Variants in TRPM6 observed in about 807,000 individuals in gnomAD.
The protein encoded by TRPM6 is transient receptor potential cation channel subfamily M member 6, also known as channel kinase 2.
Under a neutral mutation model 247.6 loss-of-function variants are expected in TRPM6, and 111 were observed. The observed-to-expected ratio is 0.45, with a 90% CI of 0.38 to 0.52. TRPM6 has a LOEUF of 0.52. TRPM6 is among the 20% of genes least tolerant of loss of function. TRPM6 has a pLI of 0.00. For synonymous variants in TRPM6, 892 were observed against 853.8 expected (o/e 1.04, Z -0.78); for missense variants, 2,126 against 2,421.5 (o/e 0.88, Z 2.56).
chr9:74,832,897 A>T (rs1400226972), intron 6 of TRPM6, among the ~76,000 whole-genome samples: 1 of 152,078 alleles, frequency 6.6e-6, no homozygotes, highest in Non-Finnish European at 1.5e-5. Context: ...CTAAAAATAC[A>T]AAAATTTGCC....
intron 36 of TRPM6, among the ~76,000 whole-genome samples, chr9:74,733,221 G>C (rs1334866009): frequency 1.3e-5 from 2 of 150,734 alleles, no homozygotes; most frequent in Admixed American, 1.3e-4. Context: ...AAAAAAGCAC[G>C]TAAAAAAAAT....
At chr9:74,760,382 A>T (rs1826582769) in intron 27 of TRPM6, among the ~76,000 whole-genome samples, 1 of 152,210 alleles carries the variant, frequency 6.6e-6, no homozygotes, top group Non-Finnish European at 1.5e-5. Context: ...GTACAGTAAC[A>T]TGCTGTACAA....
intron 3 of TRPM6, among the ~76,000 whole-genome samples, chr9:74,849,984 T>C (rs1265167079): frequency 1.3e-5 from 2 of 152,250 alleles, no homozygotes; most frequent in East Asian, 1.9e-4. Flanking sequence ...AGGATACTTA[T>C]TGTGCATCTG....
chr9:74,738,383 A>G (rs1462814134), intron 36 of TRPM6, 24 bp downstream of exon 36: 2 of 1,612,698 alleles, frequency 1.2e-6, no homozygotes, highest in East Asian at 4.5e-5. Flanking sequence ...TGCTTGTTGT[A>G]TCAAATCCTA....
chr9:74,790,179 A>G (rs1219480464), intron 19 of TRPM6, among the ~76,000 whole-genome samples: 1 of 152,266 alleles, frequency 6.6e-6, no homozygotes, highest in African/African-American at 2.4e-5. Flanking sequence ...CTAACTATGT[A>G]AGAATGGTAT....
At chr9:74,733,688 T>C (rs1312755328) in intron 36 of TRPM6, among the ~76,000 whole-genome samples, 2 of 152,316 alleles carry the variant, frequency 1.3e-5, no homozygotes, top group East Asian at 3.9e-4. Flanking sequence ...GTGTTCCTAC[T>C]AGCTGGACTA....
rs762643842 is a variant in TRPM6, at chr9:74,821,803, C to A, written c.876G>T (p.Val292=). Residue 292 remains valine, a synonymous_variant, in exon 8 of 39, where the codon GTG becomes GTT. Coordinates refer to ENST00000360774, the MANE Select transcript of TRPM6 (RefSeq NM_017662.5). The part of the protein sequence containing the change: ...SRQGVPVVGL[V]VEGGPNVILS... ...GGATGACGTTGGGACCGCCTTCCAC[C>A]ACCAGCCCCACGACCGGCACGCCTT... The A allele has an allele frequency of 1.2e-6, 2 of 1,614,184 alleles. No homozygotes were observed. Among genetic ancestry groups the A allele is most frequent in the Non-Finnish European group, 1.7e-6 (2 of 1,180,044 alleles).
Position 74,738,411 on chromosome 9 carries a change from C to T in TRPM6, c.5772G>A (p.Leu1924=). 1.2e-6 allele frequency: 2 copies of T among 1,613,844 alleles called. No individual in the cohort carries two copies. The part of the protein sequence containing the change: ...YTRGELLVLD[L]QGVGENLTDP... The stretch of plus-strand genomic sequence containing the variant: ...AAATCCTACATCATCAATCACCTTG[C>T]AAATCTAAAACCAGCAGCTCTCCCC... The change falls in exon 36 of 39, where the codon TTG becomes TTA. Residue 1924 remains leucine (L), a synonymous_variant. Coordinates refer to ENST00000360774, the MANE Select transcript of TRPM6 (RefSeq NM_017662.5).
chr9:74,728,217 A>G (rs758693970), intron 38 of TRPM6, 22 bp downstream of exon 38: 15 of 1,560,294 alleles, frequency 9.6e-6, no homozygotes, highest in East Asian at 2.2e-5. Flanking sequence ...ACTTAGAGAA[A>G]AAAGAACTGT....
chr9:74,768,517 T>C (rs113551663), intron 25 of TRPM6, among the ~76,000 whole-genome samples: 7 of 152,166 alleles, frequency 4.6e-5, no homozygotes, highest in African/African-American at 1.2e-4. Context: ...CTACAACTTA[T>C]TGCTTTCTCT....
At chr9:74,847,708 T>C (rs1307114974) in intron 3 of TRPM6, among the ~76,000 whole-genome samples, 1 of 152,020 alleles carries the variant, frequency 6.6e-6, no homozygotes, top group Non-Finnish European at 1.5e-5. Context: ...TAGTCATATA[T>C]AGTCAAAGAC....
intron 36 of TRPM6, among the ~76,000 whole-genome samples, chr9:74,733,197 A>G (rs1825582646): frequency 6.6e-6 from 1 of 151,774 alleles, no homozygotes; most frequent in Admixed American, 6.6e-5. Flanking sequence ...GCTTAACTCT[A>G]TCTCAAAGAA....
At chr9:74,776,923 G>T (rs1454921116) in intron 23 of TRPM6, among the ~76,000 whole-genome samples, 3 of 152,202 alleles carry the variant, frequency 2.0e-5, no homozygotes, top group Non-Finnish European at 4.4e-5. Context: ...TAGAACTGGA[G>T]GAAGGCAGCC....
intron 1 of TRPM6, chr9:74,875,192 AAC>A (rs1169672787): frequency 2.9e-5 from 13 of 452,882 alleles, no homozygotes; most frequent in Admixed American, 4.7e-5. Context: ...AAACTGATAA[AAC>A]ACTGGAATTC....
rs570376327 is a variant in TRPM6 at position 74,724,539 on chromosome 9, C to G, written c.*74G>C. On this transcript the variant is annotated 3_prime_UTR_variant, in exon 39 of 39. Coordinates refer to ENST00000360774, the MANE Select transcript of TRPM6 (RefSeq NM_017662.5). ...GGAGACGCTGATGTAATCAACATCA[C>G]GTTGATCAATCTATGTTATCACAGA... 1.9e-6 allele frequency: 3 copies of G among 1,594,394 alleles called. No individual in the cohort carries two copies. The highest frequency in any genetic ancestry group is 2.7e-5 in the African/African-American group (2 of 74,604).
chr9:74,792,527 A>AT, intron 19 of TRPM6, 97 bp downstream of exon 19: 2 of 1,374,372 alleles, frequency 1.5e-6, no homozygotes. Flanking sequence ...AGGTTTCTAC[A>AT]TTTTTAATGC....
chr9:74,741,947 C>T (rs190304367), intron 33 of TRPM6, among the ~76,000 whole-genome samples: 3 of 152,128 alleles, frequency 2.0e-5, no homozygotes, highest in African/African-American at 7.2e-5. Flanking sequence ...CCAACCTGGT[C>T]TGCCCCCATG....
chr9:74,805,295 C>T (rs1395697951), intron 14 of TRPM6, among the ~76,000 whole-genome samples: 2 of 152,064 alleles, frequency 1.3e-5, no homozygotes, highest in African/African-American at 2.4e-5. Context: ...GAAGATCATC[C>T]GCAAACCTAT....
At chr9:74,759,119 C>T (rs376212728) in intron 27 of TRPM6, among the ~76,000 whole-genome samples, 1 of 151,976 alleles carries the variant, frequency 6.6e-6, no homozygotes, top group Non-Finnish European at 1.5e-5. Flanking sequence ...CAAAGAAGAC[C>T]TAAATGGAGA....
Sources: allele counts gnomAD v4.1 joint callset (sites outside exome capture counted in the v4.1 genomes callset), GRCh38; gene constraint gnomAD v4.1.1; transcripts MANE v1.5; gene names NCBI Gene and HGNC (gene_info 2026-07-23, HGNC 2026-07-21).